TACR1: variants seen among roughly 807,000 people sequenced by gnomAD.
The protein encoded by TACR1 is tachykinin receptor 1, also known as substance-P receptor.
TACR1 carries 25 observed loss-of-function variants against 35.8 expected under a neutral mutation model. That is an observed-to-expected ratio of 0.70 (90% CI 0.51 to 0.98). The LOEUF is 0.98. Among genes scored for constraint, TACR1 ranks in the 50% least tolerant of loss-of-function variants. The pLI is 0.00. For synonymous variants in TACR1, 195 were observed against 206.7 expected, an observed-to-expected ratio of 0.94 and a Z score of 0.48; for missense variants, 478 against 522.9, an observed-to-expected ratio of 0.91 and a Z score of 0.84.
At chr2:75,062,216 T>C (rs1170469767) in intron 2 of TACR1, among the ~76,000 whole-genome samples, 1 of 152,074 alleles carries the variant, frequency 6.6e-6, no homozygotes, top group East Asian at 1.9e-4. Context: ...CTTACCTCTT[T>C]CTTCTTTAAT....
Position 75,199,003 on chromosome 2 carries a change from G to C in TACR1, c.-69C>G. The stretch of plus-strand genomic sequence containing the variant: ...CCTCTGCAGCAGAGTCCTGTGGCTG[G>C]CGCCTGGGGCTCAGGGTCCTTCTAA... On this transcript the variant is annotated 5_prime_UTR_variant, in exon 1 of 5. Transcript: ENST00000305249. 1.3e-6 allele frequency: 2 copies of C among 1,553,170 alleles called. No individual in the cohort carries two copies. The highest frequency in any genetic ancestry group is 1.7e-6 in the Non-Finnish European group (2 of 1,146,840).
intron 2 of TACR1, among the ~76,000 whole-genome samples, chr2:75,062,486 C>T (rs1212522370): frequency 6.6e-6 from 1 of 152,092 alleles, no homozygotes; most frequent in Non-Finnish European, 1.5e-5. Flanking sequence ...ATTTCTATAA[C>T]AAAATTTTTA....
chr2:75,139,231 C>T (rs528461834), intron 1 of TACR1, among the ~76,000 whole-genome samples: 7 of 152,300 alleles, frequency 4.6e-5, no homozygotes, highest in African/African-American at 1.7e-4. Context: ...ACTGCTCCAT[C>T]AGTCAGGTAT....
intron 2 of TACR1, among the ~76,000 whole-genome samples, chr2:75,116,517 AGT>A (rs1448991811): frequency 6.6e-6 from 1 of 152,130 alleles, no homozygotes; most frequent in East Asian, 1.9e-4. Flanking sequence ...GATGTCATTG[AGT>A]GTATATGTGA....
chr2:75,114,019 A>G (rs1655033013), intron 2 of TACR1, among the ~76,000 whole-genome samples: 1 of 152,216 alleles, frequency 6.6e-6, no homozygotes, highest in Non-Finnish European at 1.5e-5. Context: ...TTGATAATGA[A>G]TCATAATATA....
rs779454541 is a variant in TACR1 at position 75,049,487 on chromosome 2, C to T, written c.1169G>A (p.Ser390Asn). 6.2e-6 allele frequency: 10 copies of T among 1,614,102 alleles called. No individual in the cohort carries two copies. The Admixed American group carries it at 6.7e-5, about 11-fold the overall frequency. Reference sequence around the variant, plus strand: ...GCTCTCTGTCATGGTCTTGGAGTCACTTCGTGAAGAGCAGTTGGAGGTCAG... The same window carrying T: ...GCTCTCTGTCATGGTCTTGGAGTCATTTCGTGAAGAGCAGTTGGAGGTCAG... Reference protein sequence around the residue: ...LDLTSNCSSRSDSKTMTESFS... With the variant: ...LDLTSNCSSRNDSKTMTESFS... The change falls in exon 5 of 5, where the codon AGT becomes AAT. Residue 390 changes from serine to asparagine, a missense_variant. Coordinates refer to ENST00000305249, the MANE Select transcript of TACR1 (RefSeq NM_001058.4).
intron 2 of TACR1, 93 bp downstream of exon 2, chr2:75,120,481 C>G: frequency 1.6e-6 from 2 of 1,242,946 alleles, no homozygotes; most frequent in South Asian, 1.6e-5. Flanking sequence ...TCTGTACCAA[C>G]AAAAGAATAT....
In TACR1 at chr2:75,198,659, A is replaced by G. The variant is rs766983265; in HGVS notation, c.276T>C (p.Tyr92=). ...AAFNTVVNFT[Y]AVHNEWYYGL... ...CGTAGTACCATTCGTTGTGGACAGC[A>G]TAGGTGAAGTTCACCACTGTATTGA... Residue 92 remains tyrosine, a synonymous_variant, in exon 1 of 5, where the codon TAT becomes TAC. Transcript: ENST00000305249. 4 of 1,614,132 alleles carry G rather than the reference A, an allele frequency of 2.5e-6. No homozygotes were observed. The highest frequency in any genetic ancestry group is 2.7e-5 in the African/African-American group (2 of 74,952).
At chr2:75,142,159 A>G (rs867477198) in intron 1 of TACR1, among the ~76,000 whole-genome samples, 13 of 152,196 alleles carry the variant, frequency 8.5e-5, no homozygotes, top group African/African-American at 2.9e-4. Flanking sequence ...GCTCAATCCT[A>G]GAGCCTCCAG....
intron 2 of TACR1, chr2:75,090,999 C>A (rs1220531591): frequency 9.9e-5 from 15 of 152,036 alleles, no homozygotes; most frequent in Admixed American, 9.8e-4. Flanking sequence ...CTCACCTTAT[C>A]TGAAAAGGCA....
At chr2:75,194,010 C>T (rs1675909119) in intron 1 of TACR1, among the ~76,000 whole-genome samples, 2 of 152,126 alleles carry the variant, frequency 1.3e-5, no homozygotes, top group South Asian at 4.1e-4. Flanking sequence ...AATTCAGCAA[C>T]AATAATAGTA....
chr2:75,191,499 G>C (rs1387446457), intron 1 of TACR1, among the ~76,000 whole-genome samples: 1 of 152,094 alleles, frequency 6.6e-6, no homozygotes, highest in Admixed American at 6.5e-5. Flanking sequence ...GTAATGATAA[G>C]CACCTCCTCC....
intron 2 of TACR1, among the ~76,000 whole-genome samples, chr2:75,107,967 TTATTAA>T (rs1470762345): frequency 2.3e-5 from 1 of 44,186 alleles, no homozygotes; most frequent in Non-Finnish European, 7.3e-5. Context: ...TAATTGTATG[TTATTAA>T]ATTAAAAAGT....
chr2:75,161,667 A>G (rs1285324092), intron 1 of TACR1, among the ~76,000 whole-genome samples: 1 of 152,166 alleles, frequency 6.6e-6, no homozygotes, highest in Non-Finnish European at 1.5e-5. Flanking sequence ...TAGAGAGAAC[A>G]ACAAATCACC....
chr2:75,185,011 A>C (rs1675655891), intron 1 of TACR1, among the ~76,000 whole-genome samples: 1 of 152,034 alleles, frequency 6.6e-6, no homozygotes, highest in East Asian at 1.9e-4. Flanking sequence ...TTAGATTATG[A>C]ATCCAGAATT....
In TACR1 at chr2:75,198,900, G is replaced by T. The variant is rs201426785; in HGVS notation, c.35C>A (p.Ser12Tyr). 3 of 1,613,822 alleles carry T rather than the reference G, an allele frequency of 1.9e-6. No homozygotes were observed. The highest frequency in any genetic ancestry group is 2.5e-6 in the Non-Finnish European group (3 of 1,180,040). ...CGAGGTGTTAGTGGAGATGTTTGGG[G>T]AGAGGTCTGAGTCCACCGGGAGGAC... is the stretch of plus-strand genomic sequence containing the variant. ...DNVLPVDSDL[S>Y]PNISTNTSEP... The change falls in exon 1 of 5, where the codon TCC (serine) becomes TAC (tyrosine). Residue 12 changes from serine (S) to tyrosine (Y), a missense_variant. Coordinates refer to ENST00000305249, the MANE Select transcript of TACR1 (RefSeq NM_001058.4).
At chr2:75,053,954 C>A (rs1672520517) in intron 2 of TACR1, among the ~76,000 whole-genome samples, 199 bp from the exon 3 acceptor site, 1 of 152,140 alleles carries the variant, frequency 6.6e-6, no homozygotes, top group Non-Finnish European at 1.5e-5. Flanking sequence ...GAATACACTA[C>A]AGAAAACAAT....
intron 2 of TACR1, among the ~76,000 whole-genome samples, chr2:75,104,820 T>A (rs1673607786): frequency 6.6e-6 from 1 of 151,968 alleles, no homozygotes; most frequent in Admixed American, 6.6e-5. Flanking sequence ...AAATACAAGT[T>A]AAAACCACAA....
chr2:75,125,061 C>T (rs1439407039), intron 1 of TACR1, among the ~76,000 whole-genome samples: 2 of 152,248 alleles, frequency 1.3e-5, no homozygotes, highest in Non-Finnish European at 2.9e-5. Context: ...CAACTTGGCC[C>T]AGTCATCATG....
Sources: gnomAD v4.1 joint callset for allele counts (sites outside exome capture counted in the v4.1 genomes callset) on GRCh38, gnomAD v4.1.1 for gene constraint, MANE v1.5 for transcripts, NCBI Gene and HGNC (gene_info 2026-07-23, HGNC 2026-07-21) for gene names.